Variants in MEGF10 observed in about 807,000 individuals in gnomAD.
The protein encoded by MEGF10 is multiple EGF like domains 10, also known as multiple epidermal growth factor-like domains protein 10.
Under a neutral mutation model 147.5 loss-of-function variants are expected in MEGF10, and 86 were observed. The observed-to-expected ratio is 0.58, with a 90% CI of 0.49 to 0.70. MEGF10 has a LOEUF of 0.70. Among genes scored for constraint, MEGF10 ranks in the 30% least tolerant of loss-of-function variants. MEGF10 has a pLI of 0.00. For missense variants in MEGF10, 1,329 were observed against 1,487.3 expected (o/e 0.89, Z 1.75); for synonymous variants, 478 against 525.5 (o/e 0.91, Z 1.24).
the MEGF10 span, among the ~76,000 whole-genome samples, chr5:127,238,055 ATATATATATG>A: frequency 1.2e-5 from 1 of 86,318 alleles, no homozygotes; most frequent in Non-Finnish European, 2.4e-5. Flanking sequence ...ATATATATAT[ATATATATATG>A]TATATACTGA....
At chr5:127,275,187 T>C in the MEGF10 span, among the ~76,000 whole-genome samples, 1 of 152,230 alleles carries the variant, frequency 6.6e-6, no homozygotes, top group Non-Finnish European at 1.5e-5. Context: ...TATATGTTTA[T>C]TGCCTGTCTT....
chr5:127,404,093 C>A (rs2126937955), intron 8 of MEGF10, among the ~76,000 whole-genome samples: 1 of 152,234 alleles, frequency 6.6e-6, no homozygotes, highest in Middle Eastern at 3.4e-3. Context: ...TCTGCATCCT[C>A]ACCAGCATTT....
At chr5:127,302,768 G>A (rs1176670755) in intron 1 of MEGF10, among the ~76,000 whole-genome samples, 2 of 152,162 alleles carry the variant, frequency 1.3e-5, no homozygotes, top group Non-Finnish European at 2.9e-5. Context: ...AGCCTTCAGC[G>A]CCTTGCCAGT....
intron 8 of MEGF10, among the ~76,000 whole-genome samples, chr5:127,406,027 T>C (rs1466888180): frequency 1.3e-5 from 2 of 152,168 alleles, no homozygotes; most frequent in African/African-American, 4.8e-5. Context: ...TAACATCTTA[T>C]TATAGAAAAA....
In MEGF10 at chr5:127,396,771, G is replaced by A. The variant is rs148663427; in HGVS notation, c.652G>A (p.Gly218Arg). Reference protein sequence around the residue: ...GECRCPPGYTGAFCEDLCPPG... With the variant: ...GECRCPPGYTRAFCEDLCPPG... ...ATGCCGCTGCCCACCAGGATACACC[G>A]GAGCCTTGTAAGTCACATGCTGCCC... The change falls in exon 6 of 25, where the codon GGA becomes AGA. Residue 218 changes from glycine (G) to arginine (R), a missense_variant. Physicochemically the swap from Gly to Arg is moderately radical, Grantham distance 125 (BLOSUM62 -2). Around this residue, in one of 3 missense-constraint regions of MEGF10, gnomAD observed 980 missense variants for 1,085.9 expected, o/e 0.90. Coordinates refer to ENST00000503335, the MANE Select transcript of MEGF10 (RefSeq NM_001256545.2). The A allele has an allele frequency of 3.4e-4, 550 of 1,612,792 alleles. No individual in the cohort carries two copies. The highest frequency in any genetic ancestry group is 2.7e-4 in the Non-Finnish European group (324 of 1,179,218).
intron 1 of MEGF10, among the ~76,000 whole-genome samples, chr5:127,324,724 A>G (rs1760934880): frequency 6.6e-6 from 1 of 152,202 alleles, no homozygotes; most frequent in South Asian, 2.1e-4. Context: ...GACTTCAAGT[A>G]AATTCTACTG....
chr5:127,239,273 T>G, the MEGF10 span, among the ~76,000 whole-genome samples: 2 of 151,362 alleles, frequency 1.3e-5, no homozygotes, highest in Non-Finnish European at 2.9e-5. Flanking sequence ...ATGGGAAATT[T>G]TGAATTTGGA....
chr5:127,447,519 G>A, intron 20 of MEGF10, 38 bp from the exon 21 acceptor site: 1 of 1,613,012 alleles, frequency 6.2e-7, no homozygotes, highest in South Asian at 1.1e-5. Flanking sequence ...ACATTTATGG[G>A]AGCCTGCTGC....
chr5:127,398,003 G>A (rs1273983382), intron 6 of MEGF10, among the ~76,000 whole-genome samples: 3 of 151,664 alleles, frequency 2.0e-5, no homozygotes, highest in African/African-American at 7.3e-5. Context: ...CTCATAAGTG[G>A]GAGTTGAACA....
chr5:127,360,636 G>A (rs747191189), intron 4 of MEGF10, among the ~76,000 whole-genome samples: 1 of 151,860 alleles, frequency 6.6e-6, no homozygotes, highest in African/African-American at 2.4e-5. Context: ...CCTTTATCAG[G>A]TTGAGGAAAC....
At chr5:127,253,387 C>T in the MEGF10 span, among the ~76,000 whole-genome samples, 3 of 151,802 alleles carry the variant, frequency 2.0e-5, no homozygotes, top group African/African-American at 7.3e-5. Flanking sequence ...CAGGAGTATT[C>T]CTATTCAAGT....
chr5:127,440,333 G>A (rs899801300), intron 17 of MEGF10, among the ~76,000 whole-genome samples: 9 of 152,192 alleles, frequency 5.9e-5, no homozygotes, highest in Non-Finnish European at 1.3e-4. Context: ...ACAAGTAAAA[G>A]CATACAGGTA....
chr5:127,449,230 C>G lies in MEGF10; in HGVS notation c.2980+8C>G, dbSNP rs1435692647. 6.2e-7 allele frequency: 1 copy of G among 1,613,250 alleles called. No individual in the cohort carries two copies. Among genetic ancestry groups the G allele is most frequent in the African/African-American group, 1.3e-5 (1 of 75,004 alleles). On this transcript the variant is annotated splice_region_variant and intron_variant, in intron 22 of 24. Transcript: ENST00000503335. ...GCTACCTCAACGAGCTCGGTGAGTTCTCCCAACGCACGTCCCCAGAAGCAC... is the reference window on the plus strand; with the variant it reads ...GCTACCTCAACGAGCTCGGTGAGTTGTCCCAACGCACGTCCCCAGAAGCAC...
At chr5:127,354,554 C>T (rs899393892) in intron 4 of MEGF10, among the ~76,000 whole-genome samples, 4 of 152,096 alleles carry the variant, frequency 2.6e-5, no homozygotes, top group East Asian at 1.9e-4. Flanking sequence ...ATTTCTGCCA[C>T]GGGATTGGAG....
At chr5:127,340,079 C>G (rs1343826877) in intron 3 of MEGF10, among the ~76,000 whole-genome samples, 1 of 152,110 alleles carries the variant, frequency 6.6e-6, no homozygotes, top group African/African-American at 2.4e-5. Context: ...TAGAACAGTG[C>G]CCAGGATATA....
intron 24 of MEGF10, 68 bp from the exon 25 acceptor site, chr5:127,457,060 A>G (rs1336699047): frequency 7.0e-7 from 1 of 1,435,482 alleles, no homozygotes; most frequent in Admixed American, 2.4e-5. Flanking sequence ...GACATTTGCA[A>G]GAAATGCCAT....
intron 4 of MEGF10, among the ~76,000 whole-genome samples, chr5:127,351,474 G>A (rs1762088005): frequency 6.6e-6 from 1 of 151,626 alleles, no homozygotes. Flanking sequence ...ACTAACGTTA[G>A]GCACACGTAG....
intron 1 of MEGF10, among the ~76,000 whole-genome samples, chr5:127,306,322 G>A (rs765632763): frequency 1.3e-5 from 2 of 152,138 alleles, no homozygotes; most frequent in Non-Finnish European, 2.9e-5. Context: ...ACCAAGTCCT[G>A]ACAGGCAGAT....
chr5:127,390,759 T>C (rs1049504375), intron 5 of MEGF10, among the ~76,000 whole-genome samples: 6 of 152,158 alleles, frequency 3.9e-5, no homozygotes, highest in African/African-American at 1.4e-4. Context: ...TTTCAATTTA[T>C]TGTTATAATC....
Sources: gnomAD v4.1 joint callset for allele counts (sites outside exome capture counted in the v4.1 genomes callset) on GRCh38, gnomAD v4.1.1 for gene constraint, gnomAD v4.1.1 regional missense constraint, MANE v1.5 for transcripts, NCBI Gene and HGNC (gene_info 2026-07-23, HGNC 2026-07-21) for gene names.